ABCA4: variants seen among roughly 807,000 people sequenced by gnomAD.
ABCA4 encodes ATP binding cassette subfamily A member 4.
A neutral mutation model predicts 263.7 loss-of-function variants in ABCA4; 196 were observed. The observed-to-expected ratio is 0.74, with a 90% CI of 0.66 to 0.84. ABCA4 has a LOEUF of 0.84. ABCA4 is among the 40% of genes least tolerant of loss of function. The probability of loss-of-function intolerance (pLI) is 0.00; values close to 1 mark genes in which losing one functional copy is unlikely to be tolerated. For synonymous variants in ABCA4, 1,133 were observed against 1,094.2 expected, an observed-to-expected ratio of 1.04 and a Z score of -0.70; for missense variants, 2,792 against 2,855.1, an observed-to-expected ratio of 0.98 and a Z score of 0.50.
At chr1:94,039,670 G>A (rs374800331) in intron 24 of ABCA4, among the ~76,000 whole-genome samples, 24 of 152,286 alleles carry the variant, frequency 1.6e-4, no homozygotes, top group African/African-American at 5.3e-4. Flanking sequence ...TGGAAGAGCC[G>A]TGCATCACCA....
chr1:94,119,805 T>A (rs2101187709), intron 1 of ABCA4, among the ~76,000 whole-genome samples: 1 of 152,276 alleles, frequency 6.6e-6, no homozygotes, highest in Non-Finnish European at 1.5e-5. Context: ...ACTGAGACAC[T>A]CATTCATAGG....
At chr1:94,067,816 C>G (rs1661309890) in intron 11 of ABCA4, among the ~76,000 whole-genome samples, 1 of 152,208 alleles carries the variant, frequency 6.6e-6, no homozygotes, top group South Asian at 2.1e-4. Context: ...TTCATTCTCA[C>G]AACAACCTTA....
rs878853397 is a variant in ABCA4 at position 94,043,427 on chromosome 1, CT to C, written c.3098del (p.Lys1033SerfsTer51). The C allele has an allele frequency of 3.7e-6, 6 of 1,614,200 alleles. No homozygotes were observed. The highest frequency in any genetic ancestry group is 5.1e-6 in the Non-Finnish European group (6 of 1,180,042). ...HMLFYAQLKG[K>X]SQEEAQLEME... is the part of the protein sequence containing the mutation. ...TCTCCAGCTGGGCCTCCTCCTGGGA[CT>C]TTCCTTTCAGCTGGGCATAGAACAG... On this transcript the variant is annotated frameshift_variant, in exon 21 of 50. Coordinates refer to ENST00000370225, the MANE Select transcript of ABCA4 (RefSeq NM_000350.3). LOFTEE classifies it high-confidence loss of function.
At chr1:94,114,323 T>C (rs955530962) in intron 1 of ABCA4, among the ~76,000 whole-genome samples, 2 of 152,154 alleles carry the variant, frequency 1.3e-5, no homozygotes, top group Non-Finnish European at 2.9e-5. Context: ...TGATCGTGCA[T>C]TGAAGAAAGA....
In ABCA4 at chr1:93,997,964, T is replaced by C. The variant is rs1448385291; in HGVS notation, c.6626A>G (p.Gln2209Arg). 6.2e-7 allele frequency: 1 copy of C among 1,614,140 alleles called. No individual in the cohort carries two copies. Among genetic ancestry groups the C allele is most frequent in the Admixed American group, 1.7e-5 (1 of 60,014 alleles). The stretch of plus-strand genomic sequence containing the variant: ...CCTCGCCAGGGAGGAGGAGGAGACC[T>C]GGAACTGGAGCATGTTGTAGTGCCT... ...RERHYNMLQF[Q>R]VSSSSLARIF... The change falls in exon 48 of 50, where the codon CAG becomes CGG. Residue 2209 changes from glutamine (Q) to arginine (R), a missense_variant. Gln to Arg is a conservative substitution (Grantham distance 43, BLOSUM62 1). Transcript: ENST00000370225.
Position 94,080,488 on chromosome 1 carries a change from G to C in ABCA4, c.1089C>G (p.Asp363Glu). The change falls in exon 8 of 50, where the codon GAC (aspartate) becomes GAG (glutamate). Residue 363 changes from aspartate (D) to glutamate (E), a missense_variant. Coordinates refer to ENST00000370225, the MANE Select transcript of ABCA4 (RefSeq NM_000350.3). The stretch of plus-strand genomic sequence containing the variant: ...ACTCAGAAAACTTACTTGTTCTTCT[G>C]TCATAAGAATAGATAGGATCCTTCC... ...STRKDPIYSY[D>E]RRTTSFCNAL... 6.2e-7 allele frequency: 1 copy of C among 1,614,182 alleles called. No individual in the cohort carries two copies. The highest frequency in any genetic ancestry group is 8.5e-7 in the Non-Finnish European group (1 of 1,180,028).
At chr1:94,058,564 G>A (rs1661040212) in intron 14 of ABCA4, among the ~76,000 whole-genome samples, 1 of 152,214 alleles carries the variant, frequency 6.6e-6, no homozygotes, top group Non-Finnish European at 1.5e-5. Flanking sequence ...GTTTCGCCAT[G>A]TTGGCCAGAC....
At chr1:93,997,362 A>G (rs1046443148) in intron 48 of ABCA4, among the ~76,000 whole-genome samples, 6 of 151,762 alleles carry the variant, frequency 4.0e-5, no homozygotes, top group African/African-American at 1.2e-4. Flanking sequence ...GGCTCCAGCA[A>G]TCTTCCTTCC....
rs752790640 is a variant in ABCA4, at chr1:93,997,917, G to A, written c.6673C>T (p.His2225Tyr). ...TCCTCGATGAGCAGGCTGTCCTTGT[G>A]GGAGAGGAGGAGCTGGAAGATCCTC... Reference protein sequence around the residue: ...LARIFQLLLSHKDSLLIEEYS... With the variant: ...LARIFQLLLSYKDSLLIEEYS... Residue 2225 changes from histidine (H) to tyrosine (Y), a missense_variant, in exon 48 of 50, where the codon CAC (histidine) becomes TAC (tyrosine). Physicochemically the swap from His to Tyr is moderately conservative, Grantham distance 83. Transcript: ENST00000370225. The A allele has an allele frequency of 6.8e-6, 11 of 1,613,992 alleles. No individual in the cohort carries two copies. Among genetic ancestry groups the A allele is most frequent in the Non-Finnish European group, 8.5e-6 (10 of 1,179,948 alleles).
chr1:94,115,165 G>A (rs1230970922), intron 1 of ABCA4, among the ~76,000 whole-genome samples: 3 of 152,216 alleles, frequency 2.0e-5, no homozygotes, highest in Non-Finnish European at 4.4e-5. Context: ...AGATAGCAAC[G>A]TTGAGTGATA....
At chr1:94,089,168 G>A (rs1661908718) in intron 6 of ABCA4, among the ~76,000 whole-genome samples, 1 of 152,074 alleles carries the variant, frequency 6.6e-6, no homozygotes. Context: ...GGTCTATGTA[G>A]GTATAGTTTT....
chr1:94,011,055 A>C (rs75549082), intron 39 of ABCA4, 126 bp from the exon 40 acceptor site: 56 of 1,569,414 alleles, frequency 3.6e-5, no homozygotes, highest in Non-Finnish European at 4.7e-5. Context: ...CACCCGCCTC[A>C]TAAGGGCTGC....
At chr1:94,093,212 C>T (rs746350632) in intron 6 of ABCA4, among the ~76,000 whole-genome samples, 11 of 152,072 alleles carry the variant, frequency 7.2e-5, no homozygotes, top group South Asian at 2.1e-4. Context: ...ATATTGAGAC[C>T]GCTTACTAAA....
chr1:94,003,285 G>A (rs1385793429), intron 44 of ABCA4, among the ~76,000 whole-genome samples: 2 of 151,008 alleles, frequency 1.3e-5, no homozygotes, highest in African/African-American at 2.4e-5. Flanking sequence ...AGCCTCCTGC[G>A]ATCAGAGATA....
chr1:94,048,808 C>G, intron 18 of ABCA4, 60 bp downstream of exon 18: 5 of 1,534,180 alleles, frequency 3.3e-6, no homozygotes, highest in Non-Finnish European at 4.5e-6. Context: ...TGCTCTGGCC[C>G]TCTGCAGTGC....
chr1:94,099,548 C>G (rs982573433), intron 5 of ABCA4, among the ~76,000 whole-genome samples: 2 of 152,124 alleles, frequency 1.3e-5, no homozygotes, highest in African/African-American at 4.8e-5. Context: ...TCAAGGGATC[C>G]CCTTCTTACA....
At chr1:94,085,624 C>T (rs1661808184) in intron 6 of ABCA4, among the ~76,000 whole-genome samples, 1 of 152,190 alleles carries the variant, frequency 6.6e-6, no homozygotes, top group Non-Finnish European at 1.5e-5. Flanking sequence ...ATGTCGCTTT[C>T]CCTGCTCAAA....
chr1:94,051,701 A>T lies in ABCA4; in HGVS notation c.2588-3T>A, dbSNP rs776489993. The T allele has an allele frequency of 2.5e-6, 4 of 1,610,458 alleles. No individual in the cohort carries two copies. The highest frequency in any genetic ancestry group is 3.4e-6 in the Non-Finnish European group (4 of 1,176,652). On this transcript the variant is annotated splice_polypyrimidine_tract_variant and splice_region_variant and intron_variant, in intron 16 of 49. Transcript: ENST00000370225. ...AGGAAGTGGGGTTCCATAGTCTCCT[A>T]AAAATAGAGACAAATAAACAGAGAA...
chr1:94,062,468 G>A (rs1661152886), intron 13 of ABCA4, 109 bp downstream of exon 13: 14 of 1,376,318 alleles, frequency 1.0e-5, no homozygotes, highest in Admixed American at 7.6e-5. Context: ...TGGTCCCTGG[G>A]GCTCTCTCTA....
Sources: allele counts gnomAD v4.1 joint callset (sites outside exome capture counted in the v4.1 genomes callset), GRCh38; gene constraint gnomAD v4.1.1; transcripts MANE v1.5; gene names NCBI Gene and HGNC (gene_info 2026-07-23, HGNC 2026-07-21).